MYO16: variants seen among roughly 807,000 people sequenced by gnomAD.
MYO16 encodes myosin XVI.
MYO16 carries 94 observed loss-of-function variants against 205.3 expected under a neutral mutation model. The ratio of observed to expected loss-of-function variants is 0.46; its 90% CI spans 0.39 to 0.54. The LOEUF is 0.54. Ranked by LOEUF, MYO16 falls within the 20% of genes least tolerant of loss-of-function variation. MYO16 has a pLI of 0.00. For missense variants in MYO16, 2,315 were observed against 2,387.5 expected, an observed-to-expected ratio of 0.97 and a Z score of 0.63; for synonymous variants, 988 against 954.0, an observed-to-expected ratio of 1.04 and a Z score of -0.66.
intron 20 of MYO16, among the ~76,000 whole-genome samples, chr13:108,985,876 T>C (rs1884610438): frequency 6.6e-6 from 1 of 152,256 alleles, no homozygotes; most frequent in South Asian, 2.1e-4. Context: ...TGTTTTCTAC[T>C]GTTTTATTGA....
chr13:108,723,378 T>C (rs2139575426), intron 3 of MYO16, among the ~76,000 whole-genome samples: 1 of 152,320 alleles, frequency 6.6e-6, no homozygotes, highest in South Asian at 2.1e-4. Flanking sequence ...AATTTGCTAA[T>C]ATTTCCCCTG....
intron 27 of MYO16, among the ~76,000 whole-genome samples, chr13:109,058,635 T>A (rs906598528): frequency 3.3e-5 from 5 of 152,184 alleles, no homozygotes; most frequent in African/African-American, 1.2e-4. Flanking sequence ...CATAATCTTT[T>A]TGCTGGTGGA....
intron 1 of MYO16, among the ~76,000 whole-genome samples, chr13:108,618,755 A>T (rs1021907108): frequency 6.6e-6 from 1 of 152,112 alleles, no homozygotes; most frequent in Non-Finnish European, 1.5e-5. Context: ...TTAGTTTTAC[A>T]CCCTTAGAAA....
intron 24 of MYO16, chr13:109,048,209 A>T (rs569230636): frequency 3.8e-6 from 2 of 525,230 alleles, no homozygotes; most frequent in African/African-American, 2.0e-5. Context: ...GTGTATTTAG[A>T]ATGAAAATAT....
chr13:108,988,310 G>A (rs74121930), intron 20 of MYO16, among the ~76,000 whole-genome samples: 17,678 of 152,084 alleles, frequency 0.12, 1,113 homozygotes, highest in East Asian at 0.2. Flanking sequence ...AGTAACAGAC[G>A]CATATTTCAG....
intron 1 of MYO16, among the ~76,000 whole-genome samples, chr13:108,631,419 T>C (rs1054930710): frequency 6.6e-6 from 1 of 152,166 alleles, no homozygotes; most frequent in East Asian, 1.9e-4. Context: ...ATTATTTGAT[T>C]GTAGAATTTC....
chr13:108,642,303 C>G (rs1341873746), intron 1 of MYO16, among the ~76,000 whole-genome samples: 2 of 152,122 alleles, frequency 1.3e-5, no homozygotes, highest in South Asian at 4.1e-4. Flanking sequence ...TTTGACTGAA[C>G]CCCAGTCTGC....
Position 109,125,481 on chromosome 13 carries a change from G to C in MYO16, c.3782+123G>C. The C allele has an allele frequency of 1.5e-6, 2 of 1,330,568 alleles. No homozygotes were observed. Among genetic ancestry groups the C allele is most frequent in the Non-Finnish European group, 2.1e-6 (2 of 973,864 alleles). 82.4% of individuals were successfully genotyped at this position (1,330,568 alleles called of 1,614,324 possible). On this transcript the variant is annotated intron_variant, in intron 30 of 34. Coordinates refer to ENST00000457511, the MANE Select transcript of MYO16 (RefSeq NM_001198950.3). This position sits in a 1 kb window ranked among gnomAD's most constrained non-coding sequence, Gnocchi z 4.0. ...TGACAGGAGTTGCAGGAACAGGCAT[G>C]CGTGGTTTGTTATTCGAAATGGCAG...
intron 20 of MYO16, among the ~76,000 whole-genome samples, chr13:108,975,765 A>AT (rs1884233549): frequency 6.6e-6 from 1 of 152,098 alleles, no homozygotes; most frequent in African/African-American, 2.4e-5. Flanking sequence ...AAGCAGCATG[A>AT]TTTTTTAGAA....
the MYO16 span, among the ~76,000 whole-genome samples, chr13:108,507,989 T>C: frequency 1.3e-5 from 2 of 152,250 alleles, no homozygotes; most frequent in Non-Finnish European, 2.9e-5. Flanking sequence ...AATTTTTTTT[T>C]AATGTGTAAT....
At chr13:108,998,680 C>T (rs1312311480) in intron 21 of MYO16, among the ~76,000 whole-genome samples, 1 of 152,138 alleles carries the variant, frequency 6.6e-6, no homozygotes, top group Non-Finnish European at 1.5e-5. Flanking sequence ...ATATCTGGGG[C>T]CTTAGCTAGA....
intron 1 of MYO16, among the ~76,000 whole-genome samples, chr13:108,620,305 A>G (rs922663096): frequency 6.6e-6 from 1 of 152,164 alleles, no homozygotes. Context: ...ATAAATCTGA[A>G]TATTTATTCT....
intron 28 of MYO16, among the ~76,000 whole-genome samples, chr13:109,115,718 G>A (rs915565687): frequency 6.6e-6 from 1 of 151,824 alleles, no homozygotes. Context: ...ATTTTCTTTC[G>A]GTCAATGTCA....
chr13:108,888,303 A>T, intron 13 of MYO16, 69 bp from the exon 14 acceptor site: 1 of 1,083,036 alleles, frequency 9.2e-7, no homozygotes. Context: ...GTAGTTTCAA[A>T]GGAACAAAGG....
intron 32 of MYO16, among the ~76,000 whole-genome samples, chr13:109,144,023 ATTCTT>A (rs1877216687): frequency 9.8e-6 from 1 of 102,118 alleles, no homozygotes; most frequent in Admixed American, 1.2e-4. Flanking sequence ...GTGTATAATA[ATTCTT>A]TTTTTTTTTT....
At position 109,148,518 on chromosome 13, in the gene MYO16, A is replaced by G. The variant is rs1054585256; in HGVS notation, c.5164+7142A>G. On this transcript the variant is annotated intron_variant, in intron 32 of 34. Coordinates refer to ENST00000457511, the MANE Select transcript of MYO16 (RefSeq NM_001198950.3). The stretch of plus-strand genomic sequence containing the variant: ...TTGCCTCTGCCCTCTCACAGACCAT[A>G]TAAGAGACAGAAGGTGCATCCACTT... Among the ~76,000 whole-genome samples, 4 of 152,252 alleles carry G rather than the reference A, an allele frequency of 2.6e-5. No individual in the cohort carries two copies. In the South Asian group the frequency reaches 8.3e-4, roughly 31 times the overall value.
chr13:109,006,594 A>G (rs1239260847), intron 21 of MYO16, among the ~76,000 whole-genome samples: 1 of 152,130 alleles, frequency 6.6e-6, no homozygotes, highest in Non-Finnish European at 1.5e-5. Flanking sequence ...TTAATACAGG[A>G]TATTTCTCAT....
At chr13:108,992,285 T>G in intron 20 of MYO16, 91 bp from the exon 21 acceptor site, 1 of 826,516 alleles carries the variant, frequency 1.2e-6, no homozygotes, top group Non-Finnish European at 1.9e-6. Flanking sequence ...ATGTGCTAAG[T>G]GGCTGGATTC....
chr13:108,529,060 C>T, the MYO16 span, among the ~76,000 whole-genome samples: 1 of 152,110 alleles, frequency 6.6e-6, no homozygotes, highest in African/African-American at 2.4e-5. Context: ...AATATCATTT[C>T]CTCCAGAAAG....
Sources: allele counts gnomAD v4.1 joint callset (sites outside exome capture counted in the v4.1 genomes callset), GRCh38; gene constraint gnomAD v4.1.1; non-coding constraint Gnocchi (gnomAD v3.1); transcripts MANE v1.5; gene names NCBI Gene and HGNC (gene_info 2026-07-23, HGNC 2026-07-21).